C1orf21: variants seen among roughly 807,000 people sequenced by gnomAD.
C1orf21 encodes uncharacterized protein C1orf21.
Under a neutral mutation model 18.7 loss-of-function variants are expected in C1orf21, and 3 were observed. The ratio of observed to expected loss-of-function variants is 0.16; its 90% confidence interval spans 0.07 to 0.42. The LOEUF (loss-of-function observed/expected upper bound fraction) is 0.42, where lower values mean the gene tolerates loss of function less well. C1orf21 is among the 10% of genes least tolerant of loss of function. The probability of loss-of-function intolerance (pLI) is 0.99; values close to 1 mark genes in which losing one functional copy is unlikely to be tolerated. For missense variants in C1orf21, 104 were observed against 143.6 expected, an observed-to-expected ratio of 0.72 and a Z score of 1.41; for synonymous variants, 41 against 46.4, an observed-to-expected ratio of 0.88 and a Z score of 0.47.
At chr1:184,522,554 G>A (rs921653053) in intron 3 of C1orf21, among the ~76,000 whole-genome samples, 25 of 152,156 alleles carry the variant, frequency 1.6e-4, no homozygotes, top group Admixed American at 2.6e-4. Context: ...GATGGGATAT[G>A]TCAAAGGGAT....
At chr1:184,552,765 G>GA (rs1316755272) in intron 3 of C1orf21, among the ~76,000 whole-genome samples, 5 of 151,968 alleles carry the variant, frequency 3.3e-5, no homozygotes, top group Non-Finnish European at 5.9e-5. Context: ...AGCAGAGAGA[G>GA]AAAAAAATGA....
intron 1 of C1orf21, among the ~76,000 whole-genome samples, chr1:184,452,321 A>T (rs1218761695): frequency 6.6e-6 from 1 of 152,192 alleles, no homozygotes; most frequent in Admixed American, 6.5e-5. Context: ...CTGAGTGCAA[A>T]GCACAATTTC....
chr1:184,419,639 G>GA (rs1306333774), intron 1 of C1orf21, among the ~76,000 whole-genome samples: 2 of 149,818 alleles, frequency 1.3e-5, no homozygotes, highest in African/African-American at 4.9e-5. Context: ...AGTACTAGGG[G>GA]AAAAACAGAA....
intron 3 of C1orf21, among the ~76,000 whole-genome samples, chr1:184,540,449 T>G (rs1257506861): frequency 6.6e-6 from 1 of 152,056 alleles, no homozygotes; most frequent in African/African-American, 2.4e-5. Context: ...TGTTTTTTTT[T>G]TTGAGACTGG....
At chr1:184,452,009 G>A (rs1291520452) in intron 1 of C1orf21, among the ~76,000 whole-genome samples, 2 of 152,144 alleles carry the variant, frequency 1.3e-5, no homozygotes, top group Non-Finnish European at 2.9e-5. Context: ...TGCTTTCCCT[G>A]GAAGGCAAAA....
Position 184,626,011 on chromosome 1 carries a change from C to T in C1orf21, c.*6455C>T, listed in dbSNP as rs1660003751. The T allele has an allele frequency of 6.6e-6, 1 of 152,170 alleles. No individual in the cohort carries two copies. The highest frequency in any genetic ancestry group is 1.5e-5 in the Non-Finnish European group (1 of 68,030). The allele number at this position is 152,170 out of a possible 1,614,324, so 9.4% of individuals were successfully genotyped here. On this transcript the variant is annotated 3_prime_UTR_variant, in exon 6 of 6. Transcript: ENST00000235307. ...GCAGCTCCACTGGGATGCTCTAACCCCAGTGTGTGGAGTTGGGGTCCCTTC... is the reference window on the plus strand; with the variant it reads ...GCAGCTCCACTGGGATGCTCTAACCTCAGTGTGTGGAGTTGGGGTCCCTTC...
intron 3 of C1orf21, among the ~76,000 whole-genome samples, chr1:184,582,779 T>G (rs1316894347): frequency 6.6e-6 from 1 of 152,070 alleles, no homozygotes; most frequent in African/African-American, 2.4e-5. Context: ...TGAACATGGG[T>G]GTTGTTCCCT....
rs1660027591 is a variant in C1orf21, at chr1:184,627,196, A to T, written c.*7640A>T. On this transcript the variant is annotated 3_prime_UTR_variant, in exon 6 of 6. Coordinates refer to ENST00000235307, the MANE Select transcript of C1orf21 (RefSeq NM_030806.4). The stretch of plus-strand genomic sequence containing the variant: ...GCTGGGAGCTCTGCAGGTATGAGTC[A>T]GGGAAGGCTCAGAGACAAGCAGAAT... 1 of 152,466 alleles carries T rather than the reference A, an allele frequency of 6.6e-6. No homozygotes were observed. The highest frequency in any genetic ancestry group is 6.5e-5 in the Admixed American group (1 of 15,270). 9.4% of individuals were successfully genotyped at this position (152,466 alleles called of 1,614,324 possible).
Position 184,548,191 on chromosome 1 carries a change from A to T in C1orf21, c.189+40509A>T, listed in dbSNP as rs1658753475. Among the ~76,000 whole-genome samples, 4 of 151,086 alleles carry T rather than the reference A, an allele frequency of 2.6e-5. No homozygotes were observed. In the Admixed American group the frequency reaches 2.7e-4, roughly 10 times the overall value. On this transcript the variant is annotated intron_variant, in intron 3 of 5. Transcript: ENST00000235307. Reference sequence around the variant, plus strand: ...AAATGAAGGTGCCTCTAGGAAGTATAGTAATCCATATCTCAAATCCCCAAC... The same window carrying T: ...AAATGAAGGTGCCTCTAGGAAGTATTGTAATCCATATCTCAAATCCCCAAC...
chr1:184,447,547 A>G (rs1382603533), intron 1 of C1orf21, among the ~76,000 whole-genome samples: 1 of 152,108 alleles, frequency 6.6e-6, no homozygotes, highest in Non-Finnish European at 1.5e-5. Flanking sequence ...TGTCAGTTTT[A>G]CTATTTACCT....
chr1:184,541,186 G>C (rs1390139813), intron 3 of C1orf21, among the ~76,000 whole-genome samples: 1 of 152,182 alleles, frequency 6.6e-6, no homozygotes, highest in Non-Finnish European at 1.5e-5. Context: ...TGGGATCCCA[G>C]AACCACTTAT....
chr1:184,555,697 T>G, intron 3 of C1orf21, among the ~76,000 whole-genome samples: 1 of 150,884 alleles, frequency 6.6e-6, no homozygotes, highest in Non-Finnish European at 1.5e-5. Flanking sequence ...GGGCAAGGAG[T>G]TGGGGGAGGA....
intron 3 of C1orf21, among the ~76,000 whole-genome samples, chr1:184,539,524 T>A (rs1297528325): frequency 6.6e-6 from 1 of 152,218 alleles, no homozygotes; most frequent in Non-Finnish European, 1.5e-5. Flanking sequence ...TAGTAAATGT[T>A]TCCTCTTCTT....
intron 1 of C1orf21, among the ~76,000 whole-genome samples, chr1:184,429,957 A>G (rs1461994814): frequency 6.6e-6 from 1 of 151,728 alleles, no homozygotes; most frequent in Non-Finnish European, 1.5e-5. Flanking sequence ...AAATACAAAA[A>G]CAAAATTAGC....
intron 3 of C1orf21, among the ~76,000 whole-genome samples, chr1:184,584,076 AC>A (rs1659319330): frequency 7.0e-6 from 1 of 142,632 alleles, no homozygotes; most frequent in African/African-American, 2.7e-5. Context: ...CACTGCTCCC[AC>A]CACTTTCTCC....
At chr1:184,466,567 T>C (rs1289478522) in intron 1 of C1orf21, among the ~76,000 whole-genome samples, 1 of 152,222 alleles carries the variant, frequency 6.6e-6, no homozygotes, top group Admixed American at 6.5e-5. Context: ...GCCTTTTTCT[T>C]AAATGTGGTA....
intron 1 of C1orf21, among the ~76,000 whole-genome samples, chr1:184,402,106 A>C (rs1656162372): frequency 6.6e-6 from 1 of 152,206 alleles, no homozygotes. Context: ...ATCCATTTTA[A>C]AATTTCAGTT....
At chr1:184,508,243 T>C (rs1557989840) in intron 3 of C1orf21, among the ~76,000 whole-genome samples, 1 of 152,108 alleles carries the variant, frequency 6.6e-6, no homozygotes. Flanking sequence ...TAGGAATCCC[T>C]TTTTTGAGTA....
intron 3 of C1orf21, among the ~76,000 whole-genome samples, chr1:184,555,820 A>G (rs1658870728): frequency 1.3e-5 from 2 of 152,156 alleles, no homozygotes; most frequent in African/African-American, 4.8e-5. Flanking sequence ...CTGGCAGGAA[A>G]AATAATTTCC....
Sources: gnomAD v4.1 joint callset for allele counts (sites outside exome capture counted in the v4.1 genomes callset) on GRCh38, gnomAD v4.1.1 for gene constraint, MANE v1.5 for transcripts, NCBI Gene and HGNC (gene_info 2026-07-23, HGNC 2026-07-21) for gene names.